MMP15: variants seen among roughly 807,000 people sequenced by gnomAD.
MMP15 encodes matrix metalloproteinase-15.
In MMP15, 36 loss-of-function variants were observed where a neutral mutation model predicts 65.0. The ratio of observed to expected loss-of-function variants is 0.55; its 90% CI spans 0.42 to 0.73. The LOEUF is 0.73. MMP15 is among the 30% of genes least tolerant of loss of function. MMP15 has a pLI of 0.00. For synonymous variants in MMP15, 428 were observed against 410.2 expected, an observed-to-expected ratio of 1.04 and a Z score of -0.52; for missense variants, 870 against 987.8, an observed-to-expected ratio of 0.88 and a Z score of 1.60.
rs1963812174 is a variant in MMP15 at position 58,026,248 on chromosome 16, G to GC, written c.-102dup. On this transcript the variant is annotated 5_prime_UTR_variant, in exon 1 of 10. Transcript: ENST00000219271. The stretch of plus-strand genomic sequence containing the variant: ...GGCGGGGACCGGGAGCCCGAGGTCC[G>GC]CGGCGCGCCTGCCGGGCCAGGAGCC... 9 of 1,202,204 alleles carry GC rather than the reference G, an allele frequency of 7.5e-6. No homozygotes were observed. The highest frequency in any genetic ancestry group is 9.4e-6 in the Non-Finnish European group (9 of 959,930). 74.5% of individuals were successfully genotyped at this position (1,202,204 alleles called of 1,614,324 possible). A position where few individuals can be genotyped will look rare whatever the true frequency, so the allele number is the denominator to read the frequency against.
intron 1 of MMP15, among the ~76,000 whole-genome samples, chr16:58,032,081 T>G (rs925769521): frequency 1.1e-4 from 16 of 152,186 alleles, no homozygotes; most frequent in Admixed American, 2.0e-4. Flanking sequence ...TTAGCCAGAT[T>G]GTCTCAGTCT....
In MMP15 at chr16:58,045,154, C is replaced by G. The variant is rs1286275091; in HGVS notation, c.1718C>G (p.Ala573Gly). Residue 573 changes from alanine to glycine, a missense_variant, in exon 10 of 10, where the codon GCC becomes GGC. Physicochemically the swap from Ala to Gly is moderately conservative, Grantham distance 60. Transcript: ENST00000219271. ...VEPGPRWPDVARPPFNPHGGA... is the reference protein window; with the variant it reads ...VEPGPRWPDVGRPPFNPHGGA... ...CCAGGCCCCCGATGGCCCGACGTGG[C>G]CCGGCCGCCCTTCAACCCCCACGGG... is the stretch of plus-strand genomic sequence containing the variant. 6.3e-7 allele frequency: 1 copy of G among 1,596,746 alleles called. No individual in the cohort carries two copies. Among genetic ancestry groups the G allele is most frequent in the Admixed American group, 1.8e-5 (1 of 56,260 alleles).
chr16:58,040,477 G>A, intron 4 of MMP15, 60 bp from the exon 5 acceptor site: 4 of 1,578,378 alleles, frequency 2.5e-6, no homozygotes, highest in Non-Finnish European at 3.4e-6. Context: ...AGGGTCCAGG[G>A]TGATTGGGTC....
Position 58,038,266 on chromosome 16 carries a change from G to A in MMP15, c.312G>A (p.Glu104=). The A allele has an allele frequency of 6.2e-7, 1 of 1,613,848 alleles. No individual in the cohort carries two copies. Among genetic ancestry groups the A allele is most frequent in the Non-Finnish European group, 8.5e-7 (1 of 1,180,000 alleles). The change falls in exon 3 of 10, where the codon GAG becomes GAA. Residue 104 remains glutamate (E), a splice_region_variant and synonymous_variant. Coordinates refer to ENST00000219271, the MANE Select transcript of MMP15 (RefSeq NM_002428.4). ...VTGVLDEETK[E]WMKRPRCGVP... ...TCACCCCTCTGTGTCCATGTCCCAG[G>A]TGGATGAAGCGGCCCCGCTGTGGGG...
At chr16:58,027,274 C>T (rs1360925207) in intron 1 of MMP15, among the ~76,000 whole-genome samples, 1 of 152,240 alleles carries the variant, frequency 6.6e-6, no homozygotes, top group African/African-American at 2.4e-5. Context: ...CTCCCGGGGC[C>T]CCGCTCTGGA....
rs1047558164 is a variant in MMP15, at chr16:58,039,150, C to T, written c.441-725C>T. Among the ~76,000 whole-genome samples the T allele has an allele frequency of 3.9e-5, 6 of 152,182 alleles. No individual in the cohort carries two copies. The East Asian group carries it at 5.8e-4, about 15-fold the overall frequency. ...CTAACTTAACAGATAAACTGGAAAT[C>T]GGCCAGGCACAGTGGCTCACACCTG... is the stretch of plus-strand genomic sequence containing the variant. On this transcript the variant is annotated intron_variant, in intron 3 of 9. Coordinates refer to ENST00000219271, the MANE Select transcript of MMP15 (RefSeq NM_002428.4).
intron 1 of MMP15, among the ~76,000 whole-genome samples, chr16:58,036,392 G>T (rs770962611): frequency 2.6e-5 from 4 of 152,322 alleles, no homozygotes; most frequent in Non-Finnish European, 4.4e-5. Flanking sequence ...CTCCCAGGGA[G>T]ACTGTAAGTT....
At chr16:58,031,394 A>G (rs1231651926) in intron 1 of MMP15, among the ~76,000 whole-genome samples, 1 of 149,314 alleles carries the variant, frequency 6.7e-6, no homozygotes, top group East Asian at 2.0e-4. Flanking sequence ...CCCCCGGCCC[A>G]CCCAGCCTTG....
chr16:58,028,337 G>A (rs1036220528), intron 1 of MMP15, among the ~76,000 whole-genome samples: 1 of 152,228 alleles, frequency 6.6e-6, no homozygotes, highest in Non-Finnish European at 1.5e-5. Flanking sequence ...AAACACTTGG[G>A]TTGGACCTGG....
chr16:58,043,176 C>G (rs774551562), intron 7 of MMP15, 34 bp from the exon 8 acceptor site: 1 of 1,543,614 alleles, frequency 6.5e-7, no homozygotes, highest in Non-Finnish European at 8.8e-7. Flanking sequence ...CAGCCCCAGG[C>G]CTGACCTCAC....
At chr16:58,036,176 C>A (rs942620886) in intron 1 of MMP15, among the ~76,000 whole-genome samples, 9 of 152,212 alleles carry the variant, frequency 5.9e-5, no homozygotes, top group African/African-American at 1.2e-4. Flanking sequence ...AAGTCAGACA[C>A]AGACACTTGC....
At chr16:58,028,739 C>T (rs1963858170) in intron 1 of MMP15, among the ~76,000 whole-genome samples, 1 of 152,224 alleles carries the variant, frequency 6.6e-6, no homozygotes, top group Non-Finnish European at 1.5e-5. Context: ...CCTCTCTCCC[C>T]TCCCAGGGTG....
intron 1 of MMP15, 113 bp from the exon 2 acceptor site, chr16:58,037,359 C>T (rs28733439): frequency 0.054 from 73,664 of 1,374,472 alleles, 2,209 homozygotes; most frequent in Middle Eastern, 0.093. Flanking sequence ...GAGGTGATGA[C>T]GGCTCAGATA....
chr16:58,043,196 CA>C lies in MMP15; in HGVS notation c.1304-13del. 7 of 1,569,110 alleles carry C rather than the reference CA, an allele frequency of 4.5e-6. No homozygotes were observed. The highest frequency in any genetic ancestry group is 6.1e-6 in the Non-Finnish European group (7 of 1,153,598). The stretch of plus-strand genomic sequence containing the variant: ...CCAGGCCTGACCTCACTGTGCCTGC[CA>C]CCCCTCCTGTAGGTGACCGCTACTG... On this transcript the variant is annotated splice_polypyrimidine_tract_variant and intron_variant, in intron 7 of 9. Transcript: ENST00000219271.
intron 1 of MMP15, among the ~76,000 whole-genome samples, chr16:58,035,067 C>G (rs1168000524): frequency 6.6e-6 from 1 of 152,196 alleles, no homozygotes; most frequent in South Asian, 2.1e-4. Flanking sequence ...AGCCAGTCCC[C>G]CGCCACTCCC....
Position 58,026,108 on chromosome 16 carries a change from G to T in MMP15, c.-243G>T. 2.6e-6 allele frequency: 1 copy of T among 381,728 alleles called. No homozygotes were observed. The highest frequency in any genetic ancestry group is 4.6e-6 in the Non-Finnish European group (1 of 219,242). The allele number at this position is 381,728 out of a possible 1,614,324, so 23.6% of individuals were successfully genotyped here. ...CTGGGCGCCGAGGCTGCGGAACCTC[G>T]CCGGGGGCAGCTCCGGTCGGCCCCC... On this transcript the variant is annotated 5_prime_UTR_variant, in exon 1 of 10. Transcript: ENST00000219271.
chr16:58,029,390 A>G (rs1963866595), intron 1 of MMP15, among the ~76,000 whole-genome samples: 1 of 152,176 alleles, frequency 6.6e-6, no homozygotes, highest in Admixed American at 6.5e-5. Flanking sequence ...AAAGGGAGTT[A>G]ATAGCGGGGC....
Position 58,026,288 on chromosome 16 carries a change from GT to G in MMP15, c.-60del. On this transcript the variant is annotated 5_prime_UTR_variant, in exon 1 of 10. Transcript: ENST00000219271. ...GGCCAGGAGCCAGGGAGCGTCGCAA[GT>G]TTCCAAGGCGCGTGCGAGGATCCGG... 4 of 1,245,910 alleles carry G rather than the reference GT, an allele frequency of 3.2e-6. No homozygotes were observed. The highest frequency in any genetic ancestry group is 4.0e-6 in the Non-Finnish European group (4 of 995,028). The allele number at this position is 1,245,910 out of a possible 1,614,324, so 77.2% of individuals were successfully genotyped here.
rs1218126035 is a variant in MMP15 at position 58,045,524 on chromosome 16, C to A, written c.*78C>A. 3.8e-6 allele frequency: 5 copies of A among 1,311,192 alleles called. No individual in the cohort carries two copies. Among genetic ancestry groups the A allele is most frequent in the Non-Finnish European group, 5.1e-6 (5 of 982,802 alleles). The allele number at this position is 1,311,192 out of a possible 1,614,324, so 81.2% of individuals were successfully genotyped here. On this transcript the variant is annotated 3_prime_UTR_variant, in exon 10 of 10. Transcript: ENST00000219271. ...GGCTCCCAGGGGCTCCCTCCGCCCC[C>A]AGGTAGGGGCCCCTCTCAGCCCTCA...
Sources: allele counts gnomAD v4.1 joint callset (sites outside exome capture counted in the v4.1 genomes callset), GRCh38; gene constraint gnomAD v4.1.1; transcripts MANE v1.5; gene names NCBI Gene and HGNC (gene_info 2026-07-23, HGNC 2026-07-21).